SGO2: variants seen among roughly 807,000 people sequenced by gnomAD.
The protein encoded by SGO2 is shugoshin-like 2.
Under a neutral mutation model 99.5 loss-of-function variants are expected in SGO2, and 68 were observed. The ratio of observed to expected loss-of-function variants is 0.68; its 90% CI spans 0.56 to 0.84. SGO2 has a LOEUF of 0.84. Among genes scored for constraint, SGO2 ranks in the 40% least tolerant of loss-of-function variants. The pLI, the probability that SGO2 is intolerant of heterozygous loss-of-function variation, is 0.00. For missense variants in SGO2, 1,350 were observed against 1,436.7 expected (o/e 0.94, Z 0.97); for synonymous variants, 457 against 487.1 (o/e 0.94, Z 0.81).
At chr2:200,541,579 A>AT (rs1308891314) in intron 4 of SGO2, among the ~76,000 whole-genome samples, 1 of 151,958 alleles carries the variant, frequency 6.6e-6, no homozygotes, top group Non-Finnish European at 1.5e-5. Flanking sequence ...AATAAACTTT[A>AT]TTTTTTTCCT....
At position 200,583,513 on chromosome 2, in the gene SGO2, T is replaced by C. The variant is rs761836528; in HGVS notation, c.*49T>C. On this transcript the variant is annotated 3_prime_UTR_variant, in exon 9 of 9. Transcript: ENST00000357799. ...TTCTGAATTTTCAAAGCATAAGGAA[T>C]CAAAACAGAAATATAGTATCAAGAA... is the stretch of plus-strand genomic sequence containing the variant. 5 of 1,528,960 alleles carry C rather than the reference T, an allele frequency of 3.3e-6. No individual in the cohort carries two copies. The Admixed American group carries it at 5.8e-5, about 18-fold the overall frequency. 94.7% of individuals were successfully genotyped at this position (1,528,960 alleles called of 1,614,324 possible).
intron 5 of SGO2, among the ~76,000 whole-genome samples, chr2:200,569,211 C>T (rs1050469125): frequency 6.6e-6 from 1 of 151,918 alleles, no homozygotes; most frequent in Non-Finnish European, 1.5e-5. Flanking sequence ...TTTTAGTGTA[C>T]TTGGATGCCT....
At chr2:200,549,465 G>A (rs1034448908) in intron 5 of SGO2, among the ~76,000 whole-genome samples, 1 of 152,048 alleles carries the variant, frequency 6.6e-6, no homozygotes, top group Non-Finnish European at 1.5e-5. Flanking sequence ...TAAAACTACA[G>A]ACCAATATCA....
At position 200,545,693 on chromosome 2, in the gene SGO2, C is replaced by T. The variant is rs141349955; in HGVS notation, c.473+3029C>T. 4.4e-4 allele frequency among the ~76,000 whole-genome samples: 67 copies of T among 152,236 alleles called. No homozygotes were observed. In the East Asian group the frequency reaches 4.6e-3, roughly 11 times the overall value. ...ACTGCACTTCCACATGTGCAATGCC[C>T]CTCCCTCCCATTCTGCCAGGCCCGA... On this transcript the variant is annotated intron_variant, in intron 5 of 8. Coordinates refer to ENST00000357799, the MANE Select transcript of SGO2 (RefSeq NM_152524.6).
In SGO2 at chr2:200,533,204, C is replaced by T. The variant is rs984001074; in HGVS notation, c.133+96C>T. 3.8e-6 allele frequency: 5 copies of T among 1,307,106 alleles called. No homozygotes were observed. The African/African-American group carries it at 7.6e-5, about 20-fold the overall frequency. The allele number at this position is 1,307,106 out of a possible 1,614,324, so 81.0% of individuals were successfully genotyped here. On this transcript the variant is annotated intron_variant, in intron 2 of 8. Transcript: ENST00000357799. ...TTATTTTATCAAGTACAGAAAATTA[C>T]TAAAATGACCATTTTGTTAACTGAT...
intron 5 of SGO2, among the ~76,000 whole-genome samples, chr2:200,562,572 AG>A (rs1459613781): frequency 6.6e-6 from 1 of 152,186 alleles, no homozygotes; most frequent in Admixed American, 6.5e-5. Flanking sequence ...ACTTTAAAGT[AG>A]GTTTTTCCAA....
chr2:200,528,052 G>A, intron 1 of SGO2, among the ~76,000 whole-genome samples: 1 of 152,226 alleles, frequency 6.6e-6, no homozygotes, highest in East Asian at 1.9e-4. Flanking sequence ...GTCAAGGTAG[G>A]CAGTGTGGCC....
At chr2:200,531,644 C>G (rs1305270087) in intron 1 of SGO2, 1 of 152,216 alleles carries the variant, frequency 6.6e-6, no homozygotes, top group Non-Finnish European at 1.5e-5. Flanking sequence ...GATAGGCAGG[C>G]TGTATTCATT....
intron 8 of SGO2, among the ~76,000 whole-genome samples, chr2:200,580,164 C>T (rs1051516843): frequency 2.0e-5 from 3 of 151,954 alleles, no homozygotes; most frequent in African/African-American, 7.2e-5. Flanking sequence ...ATTTGTATTT[C>T]CACAGGAAAT....
At position 200,583,560 on chromosome 2, in the gene SGO2, GT is replaced by G. The variant is rs3840472; in HGVS notation, c.*106del. On this transcript the variant is annotated 3_prime_UTR_variant, in exon 9 of 9. Transcript: ENST00000357799. ...AGAAGATGAAATGCTTAATGAAAAG[GT>G]TTTTTTTTTGTTTCTTTGGCCTTTC... The G allele has an allele frequency of 2.5e-3, 2,600 of 1,052,892 alleles. No homozygotes were observed. Among genetic ancestry groups the G allele is most frequent in the South Asian group, 5.8e-3 (301 of 52,330 alleles). 65.2% of individuals were successfully genotyped at this position (1,052,892 alleles called of 1,614,324 possible).
chr2:200,574,921 G>T (rs1045842697), intron 7 of SGO2, among the ~76,000 whole-genome samples: 18 of 151,440 alleles, frequency 1.2e-4, no homozygotes, highest in Admixed American at 6.6e-4. Flanking sequence ...GTCAATTCCA[G>T]GTAAAAGCAC....
Position 200,572,616 on chromosome 2 carries a change from A to T in SGO2, c.2270A>T (p.Asn757Ile), listed in dbSNP as rs1478351662. The change falls in exon 7 of 9, where the codon AAC becomes ATC. Residue 757 changes from asparagine to isoleucine, a missense_variant. Coordinates refer to ENST00000357799, the MANE Select transcript of SGO2 (RefSeq NM_152524.6). ...AAAGATAAGGAAATCATCCCTGGAA[A>T]CCTAGAAGACCCAAGTGAGTTTGAA... ...TQKDKEIIPG[N>I]LEDPSEFETP... The T allele has an allele frequency of 6.2e-7, 1 of 1,613,098 alleles. No homozygotes were observed. The highest frequency in any genetic ancestry group is 8.5e-7 in the Non-Finnish European group (1 of 1,179,440).
At chr2:200,551,275 C>T in intron 5 of SGO2, among the ~76,000 whole-genome samples, 1 of 152,130 alleles carries the variant, frequency 6.6e-6, no homozygotes, top group East Asian at 1.9e-4. Context: ...AAGATATATA[C>T]ACAATGGCGT....
At chr2:200,561,787 A>T (rs2032982955) in intron 5 of SGO2, among the ~76,000 whole-genome samples, 1 of 151,958 alleles carries the variant, frequency 6.6e-6, no homozygotes, top group Non-Finnish European at 1.5e-5. Flanking sequence ...TGTGGTTTTG[A>T]TTTGCATTTC....
chr2:200,529,618 C>CT (rs1345783650), intron 1 of SGO2, among the ~76,000 whole-genome samples: 1 of 152,182 alleles, frequency 6.6e-6, no homozygotes, highest in African/African-American at 2.4e-5. Flanking sequence ...CCTCCACCTC[C>CT]TGGGTTCAAG....
At chr2:200,541,382 A>G (rs2031950572) in intron 4 of SGO2, among the ~76,000 whole-genome samples, 1 of 152,134 alleles carries the variant, frequency 6.6e-6, no homozygotes, top group Non-Finnish European at 1.5e-5. Flanking sequence ...TGCCAAAATT[A>G]TTCAAACTAG....
chr2:200,555,686 A>G lies in SGO2; in HGVS notation c.473+13022A>G, dbSNP rs565644602. On this transcript the variant is annotated intron_variant, in intron 5 of 8. Coordinates refer to ENST00000357799, the MANE Select transcript of SGO2 (RefSeq NM_152524.6). ...ATGCAAACAGCCGAGTATCCCCACC[A>G]TAACTGCCATTAGCTATCCCCAGAA... 3.3e-5 allele frequency among the ~76,000 whole-genome samples: 5 copies of G among 152,276 alleles called. No individual in the cohort carries two copies. In the South Asian group the frequency reaches 6.2e-4, roughly 19 times the overall value.
In SGO2 at chr2:200,548,529, A is replaced by G. The variant is rs149616509; in HGVS notation, c.473+5865A>G. ...TCAAAAAAGGAGAAAAACTTCAAAT[A>G]AACAACCTAAAAATACATGTCAAGG... On this transcript the variant is annotated intron_variant, in intron 5 of 8. Transcript: ENST00000357799. Among the ~76,000 whole-genome samples the G allele has an allele frequency of 4.6e-5, 7 of 152,356 alleles. No homozygotes were observed. In the East Asian group the frequency reaches 7.7e-4, roughly 17 times the overall value.
chr2:200,544,624 A>G (rs754520658), intron 5 of SGO2, among the ~76,000 whole-genome samples: 1 of 152,172 alleles, frequency 6.6e-6, no homozygotes, highest in Non-Finnish European at 1.5e-5. Flanking sequence ...GCTGCCACAT[A>G]TATGCCTTTT....
Sources: allele counts gnomAD v4.1 joint callset (sites outside exome capture counted in the v4.1 genomes callset), GRCh38; gene constraint gnomAD v4.1.1; transcripts MANE v1.5; gene names NCBI Gene and HGNC (gene_info 2026-07-23, HGNC 2026-07-21).